Variants in SCML2 observed in about 807,000 individuals in gnomAD.
SCML2 encodes the protein Scm polycomb group protein like 2.
SCML2 carries 6 observed loss-of-function variants against 48.4 expected under a neutral mutation model. That is an observed-to-expected ratio of 0.12 (90% CI 0.07 to 0.24). The LOEUF is 0.24. Among genes scored for constraint, SCML2 ranks in the 10% least tolerant of loss-of-function variants. The pLI is 1.00. For synonymous variants in SCML2, 181 were observed against 189.5 expected, an observed-to-expected ratio of 0.95 and a Z score of 0.37; for missense variants, 377 against 528.2, an observed-to-expected ratio of 0.71 and a Z score of 2.81.
chrX:18,336,782 T>C (rs1025777109), intron 1 of SCML2, among the ~76,000 whole-genome samples: 4 of 109,223 alleles, frequency 3.7e-5, no homozygotes, highest in African/African-American at 6.9e-5. Context: ...AATGGTCCTG[T>C]TACTTAAAAG....
At chrX:18,244,742 G>A (rs1460837942) in intron 13 of SCML2, among the ~76,000 whole-genome samples, 1 of 108,181 alleles carries the variant, frequency 9.2e-6, no homozygotes, top group Non-Finnish European at 1.9e-5. Flanking sequence ...AAAGTGATCT[G>A]ATCCCCCCCC....
At chrX:18,247,966 G>T in intron 11 of SCML2, 84 bp from the exon 12 acceptor site, 3 of 588,045 alleles carry the variant, frequency 5.1e-6, no homozygotes, top group Non-Finnish European at 8.3e-6. Context: ...AAACACTTCT[G>T]TTTCTACATC....
At chrX:18,314,273 C>G (rs1210046640) in intron 6 of SCML2, among the ~76,000 whole-genome samples, 1 of 111,618 alleles carries the variant, frequency 9.0e-6, no homozygotes, top group Non-Finnish European at 1.9e-5. Context: ...TTCAATGACA[C>G]TGGCTTATTC....
chrX:18,281,520 T>C (rs1927847960), intron 7 of SCML2, among the ~76,000 whole-genome samples: 1 of 110,508 alleles, frequency 9.0e-6, no homozygotes, highest in South Asian at 3.9e-4. Context: ...GAGACCAGCC[T>C]GGCCAACATG....
intron 6 of SCML2, among the ~76,000 whole-genome samples, chrX:18,316,371 A>G (rs188681341): frequency 2.7e-5 from 3 of 112,144 alleles, no homozygotes; most frequent in African/African-American, 9.7e-5. Flanking sequence ...CCTGGGAGAC[A>G]GAGTGAGACT....
At chrX:18,347,125 A>C (rs1300269843) in intron 1 of SCML2, among the ~76,000 whole-genome samples, 2 of 112,104 alleles carry the variant, frequency 1.8e-5, no homozygotes, top group Non-Finnish European at 3.8e-5. Flanking sequence ...CTAAAATTCT[A>C]TCTCTGAATT....
chrX:18,294,531 G>A (rs1230162193), intron 7 of SCML2, among the ~76,000 whole-genome samples: 1 of 110,742 alleles, frequency 9.0e-6, no homozygotes, highest in African/African-American at 3.3e-5. Flanking sequence ...GTGAGCCCAC[G>A]TCCCAAGTCC....
intron 10 of SCML2, 54 bp from the exon 11 acceptor site, chrX:18,257,084 C>A: frequency 1.2e-6 from 1 of 833,747 alleles, no homozygotes; most frequent in Non-Finnish European, 1.6e-6. Context: ...AGAAATACAA[C>A]ACTAATTAAA....
chrX:18,344,435 T>C (rs1329771517), intron 1 of SCML2, among the ~76,000 whole-genome samples: 1 of 111,928 alleles, frequency 8.9e-6, no homozygotes, highest in African/African-American at 3.2e-5. Context: ...ATACACCGTA[T>C]GTGCTTTGAA....
intron 1 of SCML2, among the ~76,000 whole-genome samples, chrX:18,338,533 G>C (rs1376855309): frequency 9.1e-6 from 1 of 109,330 alleles, no homozygotes; most frequent in Non-Finnish European, 1.9e-5. Flanking sequence ...TGAACTCACA[G>C]AAGTACAGAG....
intron 6 of SCML2, among the ~76,000 whole-genome samples, chrX:18,308,038 G>T (rs1054430495): frequency 4.8e-5 from 5 of 105,021 alleles, no homozygotes; most frequent in African/African-American, 1.7e-4. Context: ...AGGTTGCGGT[G>T]AGCCAAGATC....
At chrX:18,298,455 T>C (rs1230899372) in intron 7 of SCML2, among the ~76,000 whole-genome samples, 2 of 112,012 alleles carry the variant, frequency 1.8e-5, no homozygotes, top group African/African-American at 6.5e-5. Context: ...AATAAGCCCA[T>C]CTATTTACAG....
At chrX:18,301,798 C>T (rs918294690) in intron 7 of SCML2, among the ~76,000 whole-genome samples, 14 of 111,078 alleles carry the variant, frequency 1.3e-4, no homozygotes, top group African/African-American at 4.3e-4. Context: ...GAATTTGTTG[C>T]CACCCAACCC....
chrX:18,310,399 G>A (rs750437184), intron 6 of SCML2, among the ~76,000 whole-genome samples: 1 of 105,550 alleles, frequency 9.5e-6, no homozygotes, highest in East Asian at 3.0e-4. Context: ...CCGAGTAGCT[G>A]GGATTACAGG....
intron 1 of SCML2, among the ~76,000 whole-genome samples, chrX:18,336,015 T>C (rs766570776): frequency 5.3e-4 from 60 of 112,524 alleles, no homozygotes; most frequent in Admixed American, 4.3e-3. Flanking sequence ...CTGTGTGACA[T>C]TGGCATAGGA....
chrX:18,284,554 A>G (rs1334558906), intron 7 of SCML2, among the ~76,000 whole-genome samples: 2 of 112,268 alleles, frequency 1.8e-5, no homozygotes, highest in Non-Finnish European at 3.8e-5. Flanking sequence ...ACTTAAATCA[A>G]CAAGCAAAAA....
Position 18,354,587 on chromosome X carries a change from C to T in SCML2, c.-25+5G>A, listed in dbSNP as rs1408153215. On this transcript the variant is annotated splice_donor_5th_base_variant and intron_variant, in intron 1 of 14. Transcript: ENST00000251900. ...TTCCTTACGGGGCCCGGAATCACCA[C>T]GTACCTCCAGTCTCGTCGGTGAAAA... is the stretch of plus-strand genomic sequence containing the variant. 1.4e-5 allele frequency: 4 copies of T among 281,394 alleles called. No homozygotes were observed. Among genetic ancestry groups the T allele is most frequent in the Non-Finnish European group, 2.5e-5 (4 of 160,206 alleles). 23.2% of individuals were successfully genotyped at this position (281,394 alleles called of 1,213,427 possible). A position where few individuals can be genotyped will look rare whatever the true frequency, so the allele number is the denominator to read the frequency against.
At chrX:18,308,241 C>A (rs1423651470) in intron 6 of SCML2, among the ~76,000 whole-genome samples, 2 of 90,987 alleles carry the variant, frequency 2.2e-5, no homozygotes, top group Non-Finnish European at 4.2e-5. Context: ...GCCTGGGCAA[C>A]GGAGTGAGAT....
chrX:18,305,866 A>C (rs1928740026), intron 6 of SCML2, among the ~76,000 whole-genome samples: 1 of 111,496 alleles, frequency 9.0e-6, no homozygotes, highest in Non-Finnish European at 1.9e-5. Flanking sequence ...CAACATTTTA[A>C]AAGTATTAGT....
Sources: allele counts gnomAD v4.1 joint callset (sites outside exome capture counted in the v4.1 genomes callset), GRCh38; gene constraint gnomAD v4.1.1; transcripts MANE v1.5; gene names NCBI Gene and HGNC (gene_info 2026-07-23, HGNC 2026-07-21).